The following PLCL1 variants were observed in gnomAD, a reference collection of about 807,000 sequenced individuals.
The protein encoded by PLCL1 is inactive phospholipase C-like protein 1.
In PLCL1, 41 loss-of-function variants were observed where a neutral mutation model predicts 84.4. The observed-to-expected ratio is 0.49, with a 90% CI of 0.38 to 0.63. The LOEUF (loss-of-function observed/expected upper bound fraction) is 0.63. PLCL1 is among the 30% of genes least tolerant of loss of function. PLCL1 has a pLI of 0.00. For missense variants in PLCL1, 1,206 were observed against 1,367.8 expected (o/e 0.88, Z 1.87); for synonymous variants, 490 against 488.3 (o/e 1.00, Z -0.05).
intron 1 of PLCL1, among the ~76,000 whole-genome samples, chr2:198,052,362 A>AT (rs1460851092): frequency 2.6e-5 from 4 of 152,266 alleles, no homozygotes; most frequent in African/African-American, 9.6e-5. Context: ...AAATCTCACT[A>AT]TTTTTTAGAT....
intron 1 of PLCL1, among the ~76,000 whole-genome samples, chr2:197,944,261 T>G (rs1388504687): frequency 6.6e-6 from 1 of 152,210 alleles, no homozygotes; most frequent in Admixed American, 6.5e-5. Context: ...CAGAGAAGAA[T>G]TCTCAGTTTC....
intron 1 of PLCL1, among the ~76,000 whole-genome samples, chr2:198,024,232 C>T (rs1691208629): frequency 6.6e-6 from 1 of 152,018 alleles, no homozygotes; most frequent in African/African-American, 2.4e-5. Context: ...GAACGTCACA[C>T]ACCAGGGCCT....
At chr2:197,973,924 A>G (rs891947656) in intron 1 of PLCL1, among the ~76,000 whole-genome samples, 6 of 152,182 alleles carry the variant, frequency 3.9e-5, no homozygotes, top group Non-Finnish European at 7.3e-5. Context: ...AGGAGTAGAG[A>G]GAATAGGGAA....
intron 1 of PLCL1, among the ~76,000 whole-genome samples, chr2:197,904,911 G>A (rs1192814043): frequency 6.6e-6 from 1 of 152,078 alleles, no homozygotes; most frequent in African/African-American, 2.4e-5. Flanking sequence ...TATCACATAT[G>A]TAAATATTAG....
chr2:197,914,615 C>G (rs1430995739), intron 1 of PLCL1, among the ~76,000 whole-genome samples: 1 of 152,158 alleles, frequency 6.6e-6, no homozygotes, highest in Non-Finnish European at 1.5e-5. Flanking sequence ...AGATGTGAGC[C>G]ATTGTGCCCG....
At chr2:197,895,628 A>G (rs2105730540) in intron 1 of PLCL1, among the ~76,000 whole-genome samples, 1 of 152,102 alleles carries the variant, frequency 6.6e-6, no homozygotes, top group South Asian at 2.1e-4. Context: ...TGTGCTCTGG[A>G]AACAGTTTTT....
rs577968761 is a variant in PLCL1 at position 198,008,722 on chromosome 2, A to G, written c.241-75036A>G. ...GAATTCTTTTGGATATATACCCACA[A>G]ATGGGATTGTTGGATCATATAGTAA... On this transcript the variant is annotated intron_variant, in intron 1 of 5. Coordinates refer to ENST00000428675, the MANE Select transcript of PLCL1 (RefSeq NM_006226.4). Among the ~76,000 whole-genome samples the G allele has an allele frequency of 2.0e-5, 3 of 152,138 alleles. No individual in the cohort carries two copies. The South Asian group carries it at 6.2e-4, about 32-fold the overall frequency.
intron 1 of PLCL1, among the ~76,000 whole-genome samples, chr2:198,082,664 A>C (rs559092338): frequency 2.6e-5 from 4 of 152,140 alleles, no homozygotes; most frequent in Non-Finnish European, 4.4e-5. Flanking sequence ...TACCCAGTGT[A>C]AGTGGCATCA....
intron 1 of PLCL1, among the ~76,000 whole-genome samples, chr2:197,981,977 T>C (rs1468349721): frequency 6.6e-6 from 1 of 151,836 alleles, no homozygotes; most frequent in African/African-American, 2.4e-5. Context: ...TGTATTTTAA[T>C]TATTTTAAGT....
intron 1 of PLCL1, among the ~76,000 whole-genome samples, chr2:197,970,559 A>G (rs1020337095): frequency 3.3e-5 from 5 of 152,376 alleles, no homozygotes; most frequent in Admixed American, 6.5e-5. Context: ...TAATTTTTGA[A>G]TATTAGTTAC....
At chr2:198,077,559 A>G (rs1167131841) in intron 1 of PLCL1, among the ~76,000 whole-genome samples, 1 of 151,968 alleles carries the variant, frequency 6.6e-6, no homozygotes, top group East Asian at 1.9e-4. Flanking sequence ...GCCTCTAAAT[A>G]CTGGTGTTCC....
At chr2:198,102,607 G>A (rs1332149149) in intron 4 of PLCL1, among the ~76,000 whole-genome samples, 1 of 152,112 alleles carries the variant, frequency 6.6e-6, no homozygotes, top group Non-Finnish European at 1.5e-5. Flanking sequence ...TCAGCTCCAG[G>A]AAACTGGGCA....
At chr2:198,131,052 CCTT>C (rs1163836279) in intron 5 of PLCL1, among the ~76,000 whole-genome samples, 1 of 152,110 alleles carries the variant, frequency 6.6e-6, no homozygotes, top group Non-Finnish European at 1.5e-5. Context: ...TCTCTCATTG[CCTT>C]CTTCTTCCAT....
Position 198,017,971 on chromosome 2 carries a change from G to C in PLCL1, c.241-65787G>C, listed in dbSNP as rs1691037047. 2.0e-5 allele frequency among the ~76,000 whole-genome samples: 3 copies of C among 152,154 alleles called. No individual in the cohort carries two copies. The South Asian group carries it at 6.2e-4, about 32-fold the overall frequency. On this transcript the variant is annotated intron_variant, in intron 1 of 5. Coordinates refer to ENST00000428675, the MANE Select transcript of PLCL1 (RefSeq NM_006226.4). Reference sequence around the variant, plus strand: ...GGCTGAATAGGAACAGCTCTGGTCTGCAGCTCCCAGTGAGACCAACACAGA... The same window carrying C: ...GGCTGAATAGGAACAGCTCTGGTCTCCAGCTCCCAGTGAGACCAACACAGA...
chr2:198,020,988 A>G (rs936165680), intron 1 of PLCL1, among the ~76,000 whole-genome samples: 3 of 152,230 alleles, frequency 2.0e-5, no homozygotes, highest in Admixed American at 6.5e-5. Context: ...AATGGACCAC[A>G]TAATTGGAAG....
intron 1 of PLCL1, among the ~76,000 whole-genome samples, chr2:197,815,287 T>G (rs1222274515): frequency 1.3e-5 from 2 of 152,156 alleles, no homozygotes; most frequent in Non-Finnish European, 2.9e-5. Flanking sequence ...CTCTGTGCCC[T>G]ATGAATGGAA....
intron 1 of PLCL1, among the ~76,000 whole-genome samples, chr2:197,866,945 G>A (rs181540348): frequency 6.3e-4 from 96 of 152,244 alleles, no homozygotes; most frequent in African/African-American, 2.1e-3. Context: ...TACATAAAAG[G>A]CATCATTCAT....
At chr2:198,020,574 A>G (rs983297513) in intron 1 of PLCL1, among the ~76,000 whole-genome samples, 1 of 150,622 alleles carries the variant, frequency 6.6e-6, no homozygotes, top group African/African-American at 2.4e-5. Context: ...AAAAAAAAAG[A>G]AAAAAAAAGC....
rs1692442740 is a variant in PLCL1 at position 198,070,683 on chromosome 2, T to G, written c.241-13075T>G. On this transcript the variant is annotated intron_variant, in intron 1 of 5. Coordinates refer to ENST00000428675, the MANE Select transcript of PLCL1 (RefSeq NM_006226.4). ...TTAACTAAAATAACACCAGTGTAAT[T>G]ATTTTAATAAAAATAATTTCAAAAG... 2.0e-5 allele frequency among the ~76,000 whole-genome samples: 3 copies of G among 151,992 alleles called. No individual in the cohort carries two copies. In the South Asian group the frequency reaches 6.2e-4, roughly 31 times the overall value.
Sources: allele counts gnomAD v4.1 joint callset (sites outside exome capture counted in the v4.1 genomes callset), GRCh38; gene constraint gnomAD v4.1.1; transcripts MANE v1.5; gene names NCBI Gene and HGNC (gene_info 2026-07-23, HGNC 2026-07-21).